Variants in C8orf34 observed in about 807,000 individuals in gnomAD.
C8orf34 encodes the protein uncharacterized protein C8orf34.
C8orf34 carries 65 observed loss-of-function variants against 68.3 expected under a neutral mutation model. The ratio of observed to expected loss-of-function variants is 0.95; its 90% CI spans 0.78 to 1.17. C8orf34 has a LOEUF of 1.17. Among genes scored for constraint, C8orf34 ranks in the 50% most tolerant of loss-of-function variants. The pLI, the probability that C8orf34 is intolerant of heterozygous loss-of-function variation, is 0.00. For missense variants in C8orf34, 664 were observed against 655.4 expected (o/e 1.01, Z -0.14); for synonymous variants, 244 against 241.2 (o/e 1.01, Z -0.11).
chr8:68,816,028 G>A (rs1585926906), intron 13 of C8orf34, 83 bp downstream of exon 13: 10 of 1,604,936 alleles, frequency 6.2e-6, no homozygotes, highest in East Asian at 4.5e-5. Flanking sequence ...TATTAAAAAA[G>A]TACGTAGTCC....
At chr8:68,436,332 A>G (rs1319424015) in intron 1 of C8orf34, among the ~76,000 whole-genome samples, 1 of 152,204 alleles carries the variant, frequency 6.6e-6, no homozygotes, top group African/African-American at 2.4e-5. Flanking sequence ...TGATATAAGT[A>G]TGAACTAAAT....
intron 1 of C8orf34, among the ~76,000 whole-genome samples, chr8:68,356,302 C>A (rs962076595): frequency 7.2e-5 from 11 of 152,078 alleles, no homozygotes; most frequent in African/African-American, 2.7e-4. Context: ...CTATTAAGTT[C>A]TTTGGTGCAT....
chr8:68,627,515 T>C (rs1005091559), intron 7 of C8orf34, among the ~76,000 whole-genome samples: 2 of 152,184 alleles, frequency 1.3e-5, no homozygotes, highest in Non-Finnish European at 2.9e-5. Flanking sequence ...CCTCTGTCTG[T>C]CAAACCTTCA....
intron 1 of C8orf34, among the ~76,000 whole-genome samples, chr8:68,354,891 G>A (rs1003626851): frequency 2.6e-5 from 4 of 151,968 alleles, no homozygotes; most frequent in Non-Finnish European, 4.4e-5. Context: ...ATACTGTAGC[G>A]TCTAGGGGAG....
At chr8:68,395,342 C>CT (rs1379144112) in intron 1 of C8orf34, among the ~76,000 whole-genome samples, 1 of 143,602 alleles carries the variant, frequency 7.0e-6, no homozygotes, top group Non-Finnish European at 1.5e-5. Flanking sequence ...TGCACTCTCT[C>CT]TTTCTCTCTG....
At chr8:68,600,734 C>A (rs1817674753) in intron 7 of C8orf34, among the ~76,000 whole-genome samples, 1 of 152,094 alleles carries the variant, frequency 6.6e-6, no homozygotes, top group South Asian at 2.1e-4. Flanking sequence ...TATTTATCAC[C>A]TTGAGCATTT....
intron 12 of C8orf34, among the ~76,000 whole-genome samples, chr8:68,794,470 TATATAAATATAA>T (rs1482366730): frequency 8.6e-6 from 1 of 115,624 alleles, no homozygotes; most frequent in African/African-American, 4.3e-5. Context: ...TTGTGCCCAG[TATATAAATATAA>T]ATATATATAT....
intron 8 of C8orf34, among the ~76,000 whole-genome samples, chr8:68,645,003 T>C (rs1025926710): frequency 5.3e-5 from 8 of 152,204 alleles, no homozygotes; most frequent in Admixed American, 4.6e-4. Context: ...TATTGCAGGA[T>C]TGGAGACAGT....
chr8:68,364,515 T>C (rs545706212), intron 1 of C8orf34, among the ~76,000 whole-genome samples: 5 of 30,256 alleles, frequency 1.7e-4, no homozygotes, highest in Non-Finnish European at 2.6e-4. Context: ...CCTCAGCAAA[T>C]GTAAAAGAAC....
intron 10 of C8orf34, among the ~76,000 whole-genome samples, chr8:68,769,136 T>A (rs1823268892): frequency 1.3e-5 from 2 of 151,924 alleles, no homozygotes; most frequent in Non-Finnish European, 2.9e-5. Context: ...TTTTTTTAAT[T>A]TCAGGAAAGT....
chr8:68,590,848 G>C (rs965043175), intron 7 of C8orf34, among the ~76,000 whole-genome samples: 1 of 152,142 alleles, frequency 6.6e-6, no homozygotes, highest in South Asian at 2.1e-4. Context: ...CGATATCAGG[G>C]ATGGGCCTTG....
Position 68,584,031 on chromosome 8 carries a change from GA to G in C8orf34, c.1105+50887del, listed in dbSNP as rs369585435. On this transcript the variant is annotated intron_variant, in intron 7 of 13. Transcript: ENST00000518698. The stretch of plus-strand genomic sequence containing the variant: ...GAAAAATTACATTTTTATCATGGAA[GA>G]AAAATGTTTGAAAATTGTTAATGTA... 4.6e-3 allele frequency among the ~76,000 whole-genome samples: 708 copies of G among 152,262 alleles called. 6 individuals are homozygous for G. Among genetic ancestry groups the G allele is most frequent in the African/African-American group, 0.016 (670 of 41,580 alleles).
chr8:68,702,699 A>G (rs1402840434), intron 8 of C8orf34, among the ~76,000 whole-genome samples: 1 of 152,142 alleles, frequency 6.6e-6, no homozygotes, highest in African/African-American at 2.4e-5. Flanking sequence ...GCTTATTTAA[A>G]TCTTCTCTCA....
At chr8:68,362,484 G>A (rs1000643059) in intron 1 of C8orf34, among the ~76,000 whole-genome samples, 2 of 152,122 alleles carry the variant, frequency 1.3e-5, no homozygotes, top group Non-Finnish European at 2.9e-5. Flanking sequence ...CGCAGAAGAC[G>A]GGTGATTTCT....
intron 1 of C8orf34, among the ~76,000 whole-genome samples, chr8:68,332,894 A>G (rs1354744090): frequency 6.6e-6 from 1 of 152,174 alleles, no homozygotes; most frequent in Non-Finnish European, 1.5e-5. Context: ...CCTTTAGTTT[A>G]ATGATTATTG....
At chr8:68,553,854 G>C (rs1322831641) in intron 7 of C8orf34, among the ~76,000 whole-genome samples, 1 of 143,172 alleles carries the variant, frequency 7.0e-6, no homozygotes, top group Non-Finnish European at 1.5e-5. Context: ...TAATAAATAT[G>C]TTTATTCTAT....
chr8:68,554,869 G>A (rs2130093453), intron 7 of C8orf34, among the ~76,000 whole-genome samples: 1 of 152,144 alleles, frequency 6.6e-6, no homozygotes, highest in Middle Eastern at 3.4e-3. Flanking sequence ...TACTTTATGT[G>A]CCATTATATT....
chr8:68,718,711 C>T (rs987306881), intron 9 of C8orf34, among the ~76,000 whole-genome samples: 9 of 152,042 alleles, frequency 5.9e-5, no homozygotes, highest in Non-Finnish European at 1.3e-4. Flanking sequence ...GTGACACAAG[C>T]AGCAAAAGTA....
chr8:68,456,861 A>G (rs1392292931), intron 3 of C8orf34, among the ~76,000 whole-genome samples: 1 of 152,158 alleles, frequency 6.6e-6, no homozygotes, highest in African/African-American at 2.4e-5. Flanking sequence ...GATAAGCATG[A>G]TTTGATGAAG....
Sources: gnomAD v4.1 joint callset for allele counts (sites outside exome capture counted in the v4.1 genomes callset) on GRCh38, gnomAD v4.1.1 for gene constraint, MANE v1.5 for transcripts, NCBI Gene and HGNC (gene_info 2026-07-23, HGNC 2026-07-21) for gene names.